CNTN5: variants seen among roughly 807,000 people sequenced by gnomAD.
CNTN5 encodes contactin 5.
CNTN5 carries 77 observed loss-of-function variants against 129.1 expected under a neutral mutation model. The observed-to-expected ratio is 0.60, with a 90% CI of 0.50 to 0.72. The LOEUF (loss-of-function observed/expected upper bound fraction) is 0.72, where lower values mean the gene tolerates loss of function less well. Among genes scored for constraint, CNTN5 ranks in the 30% least tolerant of loss-of-function variants. CNTN5 has a pLI of 0.00. For synonymous variants in CNTN5, 509 were observed against 465.6 expected (o/e 1.09, Z -1.20); for missense variants, 1,478 against 1,328.8 (o/e 1.11, Z -1.75).
chr11:100,167,524 C>A (rs1209078041), intron 13 of CNTN5, among the ~76,000 whole-genome samples: 1 of 151,786 alleles, frequency 6.6e-6, no homozygotes, highest in Non-Finnish European at 1.5e-5. Context: ...CCTATTTGAG[C>A]TTTTAATATA....
intron 2 of CNTN5, among the ~76,000 whole-genome samples, chr11:99,330,471 G>A (rs766568913): frequency 3.0e-4 from 45 of 152,104 alleles, no homozygotes; most frequent in Non-Finnish European, 5.1e-4. Flanking sequence ...TAATGATTGC[G>A]TAGTATTGTG....
intron 8 of CNTN5, among the ~76,000 whole-genome samples, chr11:99,970,901 T>G (rs1429930521): frequency 6.6e-6 from 1 of 152,168 alleles, no homozygotes; most frequent in Non-Finnish European, 1.5e-5. Context: ...CCTCACAGTT[T>G]TCTGACTCCA....
intron 2 of CNTN5, among the ~76,000 whole-genome samples, chr11:99,534,715 A>G (rs1160409824): frequency 1.3e-5 from 2 of 152,310 alleles, no homozygotes; most frequent in Non-Finnish European, 2.9e-5. Context: ...CTGTAATCAC[A>G]CTAATAAATG....
intron 13 of CNTN5, among the ~76,000 whole-genome samples, chr11:100,098,360 A>G (rs2138044733): frequency 6.6e-6 from 1 of 152,236 alleles, no homozygotes; most frequent in East Asian, 1.9e-4. Context: ...ACTTTAGTAC[A>G]TAACAAAATA....
At chr11:100,053,197 A>G (rs1159935443) in intron 9 of CNTN5, among the ~76,000 whole-genome samples, 1 of 151,718 alleles carries the variant, frequency 6.6e-6, no homozygotes, top group East Asian at 1.9e-4. Flanking sequence ...GTCAGAAAAT[A>G]CTTCTTAAGA....
At chr11:100,041,040 T>C (rs894030107) in intron 9 of CNTN5, among the ~76,000 whole-genome samples, 1 of 152,202 alleles carries the variant, frequency 6.6e-6, no homozygotes, top group African/African-American at 2.4e-5. Flanking sequence ...CAGTTGGAAA[T>C]GCAGAAATCA....
rs1322024269 is a variant in CNTN5, at chr11:100,170,957, CTTCTT to C, written c.1581-20166_1581-20162del. On this transcript the variant is annotated intron_variant, in intron 13 of 24. Transcript: ENST00000524871. ...ATGTGCTAGAAATCTTGCCCACACT[CTTCTT>C]TTTATACATGAGGGGGATGAGGCAG... Among the ~76,000 whole-genome samples, 4 of 151,726 alleles carry C rather than the reference CTTCTT, an allele frequency of 2.6e-5. No homozygotes were observed. In the East Asian group the frequency reaches 7.8e-4, roughly 29 times the overall value.
At chr11:100,119,856 T>C (rs1206871996) in intron 13 of CNTN5, among the ~76,000 whole-genome samples, 1 of 151,944 alleles carries the variant, frequency 6.6e-6, no homozygotes, top group Non-Finnish European at 1.5e-5. Flanking sequence ...TAGAGATTAT[T>C]AAACTGCCTG....
intron 2 of CNTN5, among the ~76,000 whole-genome samples, chr11:99,366,690 G>A (rs1432334689): frequency 3.9e-5 from 6 of 152,142 alleles, no homozygotes; most frequent in Non-Finnish European, 8.8e-5. Flanking sequence ...GTCGCCACAG[G>A]GAGTTGGCAT....
intron 9 of CNTN5, among the ~76,000 whole-genome samples, chr11:100,041,572 G>A (rs1300458021): frequency 6.6e-6 from 1 of 152,118 alleles, no homozygotes; most frequent in East Asian, 1.9e-4. Flanking sequence ...CCATTTTGCT[G>A]GATACAAGGA....
intron 8 of CNTN5, among the ~76,000 whole-genome samples, chr11:99,983,878 T>C (rs756297701): frequency 1.4e-4 from 21 of 152,210 alleles, no homozygotes; most frequent in Non-Finnish European, 2.5e-4. Context: ...GTGGGTTAGA[T>C]AGGAGCATTC....
intron 2 of CNTN5, among the ~76,000 whole-genome samples, chr11:99,481,190 G>A (rs889873436): frequency 6.6e-6 from 1 of 152,046 alleles, no homozygotes; most frequent in African/African-American, 2.4e-5. Flanking sequence ...TCAGTAAGCA[G>A]TAATTCTAGT....
At chr11:99,707,086 T>G (rs34265818) in intron 3 of CNTN5, among the ~76,000 whole-genome samples, 7,311 of 151,532 alleles carry the variant, frequency 0.048, 163 homozygotes, top group East Asian at 0.068. Context: ...GCACCTGCCA[T>G]AAATTCCTCC....
Position 100,071,755 on chromosome 11 carries a change from A to G in CNTN5, c.1350A>G (p.Gln450=), listed in dbSNP as rs745631511. 11 of 1,602,576 alleles carry G rather than the reference A, an allele frequency of 6.9e-6. No individual in the cohort carries two copies. The highest frequency in any genetic ancestry group is 4.5e-5 in the East Asian group (2 of 44,478). ...TATTGATGATCCACAATGTGAATCA[A>G]TCAGATGCTGGAATGTATCAGTGTT... The part of the protein sequence containing the change: ...NGVLMIHNVN[Q]SDAGMYQCLA... Residue 450 remains glutamine, a synonymous_variant, in exon 12 of 25, where the codon CAA becomes CAG. Coordinates refer to ENST00000524871, the MANE Select transcript of CNTN5 (RefSeq NM_014361.4).
At chr11:99,727,323 A>AAAAAAAAT (rs1194171197) in intron 3 of CNTN5, among the ~76,000 whole-genome samples, 2 of 139,234 alleles carry the variant, frequency 1.4e-5, no homozygotes, top group African/African-American at 5.3e-5. Flanking sequence ...AAAAAAAAAA[A>AAAAAAAAT]AAAAAAAAAA....
At chr11:100,065,261 T>C (rs1074221) in intron 10 of CNTN5, among the ~76,000 whole-genome samples, 18,482 of 152,140 alleles carry the variant, frequency 0.12, 1,154 homozygotes, top group East Asian at 0.18. Context: ...TGCAATTTGA[T>C]TGTAAGCTCT....
intron 1 of CNTN5, among the ~76,000 whole-genome samples, chr11:99,118,789 A>T (rs1422025470): frequency 6.6e-6 from 1 of 151,960 alleles, no homozygotes; most frequent in African/African-American, 2.4e-5. Context: ...AATCACTGGC[A>T]TGTAACCTAA....
chr11:99,665,672 A>T (rs1163510109), intron 3 of CNTN5, among the ~76,000 whole-genome samples: 1 of 151,318 alleles, frequency 6.6e-6, no homozygotes, highest in Non-Finnish European at 1.5e-5. Context: ...TTTTTAGTAG[A>T]GCCGGGGTTG....
chr11:99,044,644 A>C (rs1864133655), intron 1 of CNTN5, among the ~76,000 whole-genome samples: 1 of 152,150 alleles, frequency 6.6e-6, no homozygotes, highest in Admixed American at 6.5e-5. Flanking sequence ...AGTGTTCTAC[A>C]TATGTTCTAG....
Sources: allele counts gnomAD v4.1 joint callset (sites outside exome capture counted in the v4.1 genomes callset), GRCh38; gene constraint gnomAD v4.1.1; transcripts MANE v1.5; gene names NCBI Gene and HGNC (gene_info 2026-07-23, HGNC 2026-07-21).